The following TPCN2 variants were observed in gnomAD, a reference collection of about 807,000 sequenced individuals.
TPCN2 encodes the protein two pore segment channel 2, also known as two pore channel protein 2.
TPCN2 carries 92 observed loss-of-function variants against 111.4 expected under a neutral mutation model. The observed-to-expected ratio is 0.83, with a 90% CI of 0.70 to 0.98. TPCN2 has a LOEUF of 0.98. TPCN2 is among the 50% of genes least tolerant of loss of function. TPCN2 has a pLI of 0.00. For missense variants in TPCN2, 995 were observed against 980.1 expected, an observed-to-expected ratio of 1.02 and a Z score of -0.20; for synonymous variants, 405 against 414.5, an observed-to-expected ratio of 0.98 and a Z score of 0.28.
chr11:69,066,164 A>G (rs10896407), intron 7 of TPCN2, among the ~76,000 whole-genome samples: 66,146 of 151,740 alleles, frequency 0.44, 14,833 homozygotes, highest in Non-Finnish European at 0.5. Flanking sequence ...GTTGCTTTAC[A>G]TTTGGGAACG....
chr11:69,078,432 C>T (rs759039921), intron 13 of TPCN2, 50 bp from the exon 14 acceptor site: 41 of 1,603,242 alleles, frequency 2.6e-5, no homozygotes, highest in Middle Eastern at 3.3e-4. Context: ...TGGGCTGCAA[C>T]AGCCACGGCT....
At chr11:69,055,488 C>A in intron 4 of TPCN2, 136 bp downstream of exon 4, 3 of 945,374 alleles carry the variant, frequency 3.2e-6, no homozygotes, top group Non-Finnish European at 4.6e-6. Flanking sequence ...GTGAGCAAGG[C>A]ACACTTTCTT....
chr11:69,085,158 G>A (rs1208907119), intron 19 of TPCN2, 52 bp from the exon 20 acceptor site: 8 of 1,527,002 alleles, frequency 5.2e-6, no homozygotes, highest in African/African-American at 1.4e-5. Context: ...GAGGGTGGTG[G>A]TGGGTGCACC....
chr11:69,068,966 C>G (rs74834010), intron 8 of TPCN2, among the ~76,000 whole-genome samples: 1,432 of 3,676 alleles, frequency 0.39, 618 homozygotes, highest in Middle Eastern at 1. Context: ...AGTTACCGCA[C>G]TGGGAGCAGG....
intron 18 of TPCN2, among the ~76,000 whole-genome samples, chr11:69,082,465 A>G (rs1479359793): frequency 1.3e-5 from 2 of 152,276 alleles, no homozygotes; most frequent in East Asian, 3.8e-4. Flanking sequence ...AGATAATCAC[A>G]TGCAAATATC....
Position 69,090,116 on chromosome 11 carries a change from G to T in TPCN2, c.*2163G>T, listed in dbSNP as rs1856392004. On this transcript the variant is annotated 3_prime_UTR_variant, in exon 25 of 25. Coordinates refer to ENST00000294309, the MANE Select transcript of TPCN2 (RefSeq NM_139075.4). The stretch of plus-strand genomic sequence containing the variant: ...GTGGGTGCGAGGCGTGCTCCTGGCT[G>T]TTGCAGATTGCTGCACCCGGGAGCT... The T allele has an allele frequency of 6.7e-6, 1 of 149,046 alleles. No individual in the cohort carries two copies. Among genetic ancestry groups the T allele is most frequent in the Non-Finnish European group, 1.5e-5 (1 of 66,532 alleles). The allele number at this position is 149,046 out of a possible 1,614,324, so 9.2% of individuals were successfully genotyped here.
At chr11:69,049,244 G>A in intron 1 of TPCN2, 138 bp downstream of exon 1, 1 of 511,352 alleles carries the variant, frequency 2.0e-6, no homozygotes, top group Non-Finnish European at 3.0e-6. Context: ...GGGCCGCGCC[G>A]GGTGCCAGGC....
chr11:69,086,625 G>C (rs754669490), intron 23 of TPCN2, 21 bp downstream of exon 23: 1 of 1,611,100 alleles, frequency 6.2e-7, no homozygotes, highest in Non-Finnish European at 8.5e-7. Context: ...TCCCCACCCA[G>C]GCTGTTCTCC....
intron 1 of TPCN2, among the ~76,000 whole-genome samples, 153 bp downstream of exon 1, chr11:69,049,259 C>T (rs536191570): frequency 2.0e-5 from 3 of 152,152 alleles, no homozygotes; most frequent in Non-Finnish European, 4.4e-5. Flanking sequence ...CCAGGCGAGC[C>T]GGTGTTCTGA....
intron 5 of TPCN2, among the ~76,000 whole-genome samples, chr11:69,059,273 A>G (rs915078090): frequency 7.0e-6 from 1 of 143,096 alleles, no homozygotes; most frequent in Non-Finnish European, 1.5e-5. Context: ...CAGTGGCAGC[A>G]GCCAGCCTGC....
chr11:69,066,232 GCT>G (rs1855266838), intron 7 of TPCN2, among the ~76,000 whole-genome samples: 1 of 152,140 alleles, frequency 6.6e-6, no homozygotes, highest in Admixed American at 6.5e-5. Flanking sequence ...TGGACCCAGT[GCT>G]GTGGTCCTGC....
Position 69,071,435 on chromosome 11 carries a change from C to G in TPCN2, c.960+15C>G, listed in dbSNP as rs768059695. 6 of 1,610,620 alleles carry G rather than the reference C, an allele frequency of 3.7e-6. No homozygotes were observed. The highest frequency in any genetic ancestry group is 5.1e-6 in the Non-Finnish European group (6 of 1,178,242). On this transcript the variant is annotated intron_variant, in intron 10 of 24. Coordinates refer to ENST00000294309, the MANE Select transcript of TPCN2 (RefSeq NM_139075.4). ...GCTACCTGATGGTGAGCGAGCTCCCCAATGCTGGCTGTGCCTGGAGCTGCC... is the reference window on the plus strand; with the variant it reads ...GCTACCTGATGGTGAGCGAGCTCCCGAATGCTGGCTGTGCCTGGAGCTGCC...
rs1856360013 is a variant in TPCN2, at chr11:69,088,411, TTTA to T, written c.*464_*466del. 6.1e-6 allele frequency: 1 copy of T among 164,622 alleles called. No homozygotes were observed. Among genetic ancestry groups the T allele is most frequent in the Non-Finnish European group, 1.3e-5 (1 of 75,312 alleles). 10.2% of individuals were successfully genotyped at this position (164,622 alleles called of 1,614,324 possible). On this transcript the variant is annotated 3_prime_UTR_variant, in exon 25 of 25. Coordinates refer to ENST00000294309, the MANE Select transcript of TPCN2 (RefSeq NM_139075.4). The stretch of plus-strand genomic sequence containing the variant: ...GACATGGAGAGAACCTTGACTGTGT[TTTA>T]TTATTTCATGGCTTGTATGAGTGTG...
At chr11:69,061,547 G>T (rs1246458687) in intron 5 of TPCN2, among the ~76,000 whole-genome samples, 1 of 152,190 alleles carries the variant, frequency 6.6e-6, no homozygotes, top group Non-Finnish European at 1.5e-5. Context: ...GGAGGTGGGG[G>T]CAGGGTGCCC....
At chr11:69,076,098 A>G (rs1314969685) in intron 13 of TPCN2, among the ~76,000 whole-genome samples, 1 of 152,238 alleles carries the variant, frequency 6.6e-6, no homozygotes, top group Non-Finnish European at 1.5e-5. Flanking sequence ...GATGTAAGGA[A>G]ACCATGTGGT....
At chr11:69,057,533 A>G (rs775069952) in intron 4 of TPCN2, 45 bp from the exon 5 acceptor site, 66 of 1,558,324 alleles carry the variant, frequency 4.2e-5, no homozygotes, top group Non-Finnish European at 5.8e-5. Context: ...CTGCAGGGCC[A>G]GCGTGTGGGG....
chr11:69,052,364 G>T (rs1861265281), intron 1 of TPCN2, among the ~76,000 whole-genome samples: 1 of 152,130 alleles, frequency 6.6e-6, no homozygotes, highest in Non-Finnish European at 1.5e-5. Flanking sequence ...TCAGCTTTGA[G>T]TCCTGTGTGC....
chr11:69,066,018 G>T (rs1452557774), intron 7 of TPCN2, among the ~76,000 whole-genome samples: 1 of 152,146 alleles, frequency 6.6e-6, no homozygotes, highest in Non-Finnish European at 1.5e-5. Context: ...CACAGTGTGG[G>T]GTGGGAGATG....
At chr11:69,059,757 G>T (rs892231937) in intron 5 of TPCN2, among the ~76,000 whole-genome samples, 4 of 152,260 alleles carry the variant, frequency 2.6e-5, no homozygotes, top group Non-Finnish European at 5.9e-5. Flanking sequence ...AGGGCAGGCA[G>T]ATTCATAACC....
Sources: gnomAD v4.1 joint callset for allele counts (sites outside exome capture counted in the v4.1 genomes callset) on GRCh38, gnomAD v4.1.1 for gene constraint, MANE v1.5 for transcripts, NCBI Gene and HGNC (gene_info 2026-07-23, HGNC 2026-07-21) for gene names.